The following FRMD4A variants were observed in gnomAD, a reference collection of about 807,000 sequenced individuals.
FRMD4A encodes FERM domain containing 4A.
A neutral mutation model predicts 129.1 loss-of-function variants in FRMD4A; 29 were observed. That is an observed-to-expected ratio of 0.22 (90% CI 0.17 to 0.31). The LOEUF is 0.31. Among genes scored for constraint, FRMD4A ranks in the 10% least tolerant of loss-of-function variants. FRMD4A has a pLI of 1.00. For synonymous variants in FRMD4A, 634 were observed against 571.6 expected (o/e 1.11, Z -1.56); for missense variants, 1,272 against 1,375.8 (o/e 0.92, Z 1.19).
At chr10:14,263,883 A>AT (rs1844889880) in intron 2 of FRMD4A, among the ~76,000 whole-genome samples, 1 of 152,214 alleles carries the variant, frequency 6.6e-6, no homozygotes, top group Non-Finnish European at 1.5e-5. Context: ...AGAGGAAGGC[A>AT]TTTGGGGTAG....
intron 2 of FRMD4A, among the ~76,000 whole-genome samples, chr10:14,195,038 C>T (rs1842433288): frequency 6.6e-6 from 1 of 152,120 alleles, no homozygotes; most frequent in African/African-American, 2.4e-5. Flanking sequence ...ATTTTTCTTT[C>T]ATTCCTTAAA....
rs1444297984 is a variant in FRMD4A at position 13,832,465 on chromosome 10, G to C, written c.112-21557C>G. ...CTTGCGAGCACATTAGAATCAGCGG[G>C]GCAGTTTAAAAAGCCAGAGATGCCT... On this transcript the variant is annotated intron_variant, in intron 3 of 24. Transcript: ENST00000357447. Among the ~76,000 whole-genome samples the C allele has an allele frequency of 2.0e-5, 3 of 152,172 alleles. No homozygotes were observed. In the East Asian group the frequency reaches 5.8e-4, roughly 29 times the overall value.
At chr10:14,049,080 A>C (rs924486191) in intron 2 of FRMD4A, among the ~76,000 whole-genome samples, 2 of 152,154 alleles carry the variant, frequency 1.3e-5, no homozygotes, top group Admixed American at 6.5e-5. Flanking sequence ...TAAGAAGTTG[A>C]GAAGTAAGTC....
chr10:14,168,186 C>G (rs1028109284), intron 2 of FRMD4A, among the ~76,000 whole-genome samples: 2 of 152,086 alleles, frequency 1.3e-5, no homozygotes, highest in African/African-American at 4.8e-5. Context: ...TCATGAGGGT[C>G]CCAGGCAGTG....
At chr10:13,703,363 G>A (rs1293151235) in intron 13 of FRMD4A, among the ~76,000 whole-genome samples, 9 of 152,174 alleles carry the variant, frequency 5.9e-5, no homozygotes, top group Admixed American at 5.2e-4. Flanking sequence ...GCCCAGCCTG[G>A]AGAAGCTCAG....
At chr10:13,925,400 G>C (rs1406465) in intron 2 of FRMD4A, among the ~76,000 whole-genome samples, 8 of 151,642 alleles carry the variant, frequency 5.3e-5, no homozygotes, top group African/African-American at 1.9e-4. Context: ...GAATGTGATC[G>C]CTTTATCTTC....
At chr10:13,665,792 C>T (rs899520862) in intron 18 of FRMD4A, among the ~76,000 whole-genome samples, 7 of 152,236 alleles carry the variant, frequency 4.6e-5, no homozygotes, top group Admixed American at 6.5e-5. Flanking sequence ...GCCCAGTCAA[C>T]TCAGCTCAGT....
chr10:13,885,629 T>C (rs572298897), intron 2 of FRMD4A, among the ~76,000 whole-genome samples: 1 of 152,322 alleles, frequency 6.6e-6, no homozygotes, highest in South Asian at 2.1e-4. Context: ...CATATGCACG[T>C]GGTTTGTAGA....
intron 2 of FRMD4A, among the ~76,000 whole-genome samples, chr10:14,109,672 A>G (rs1475587808): frequency 6.6e-6 from 1 of 152,154 alleles, no homozygotes; most frequent in Non-Finnish European, 1.5e-5. Flanking sequence ...CATTATTTCC[A>G]GTTCTTAAAA....
intron 2 of FRMD4A, among the ~76,000 whole-genome samples, chr10:14,115,139 C>T (rs913556693): frequency 6.6e-5 from 10 of 152,222 alleles, no homozygotes; most frequent in African/African-American, 2.4e-4. Flanking sequence ...CCCCTGGAAG[C>T]TTGCAGTCTA....
intron 2 of FRMD4A, among the ~76,000 whole-genome samples, chr10:14,073,715 C>T (rs1200611365): frequency 1.3e-5 from 2 of 152,128 alleles, no homozygotes; most frequent in African/African-American, 2.4e-5. Flanking sequence ...TCACCACCAC[C>T]GGGATCCTGT....
At chr10:14,062,747 T>C (rs978198598) in intron 2 of FRMD4A, among the ~76,000 whole-genome samples, 1 of 152,194 alleles carries the variant, frequency 6.6e-6, no homozygotes, top group Non-Finnish European at 1.5e-5. Context: ...GTGTGATTGA[T>C]TCAAGTGCCA....
chr10:14,138,508 C>T (rs1372262398), intron 2 of FRMD4A, among the ~76,000 whole-genome samples: 5 of 151,660 alleles, frequency 3.3e-5, no homozygotes, highest in Non-Finnish European at 7.4e-5. Flanking sequence ...CACCTGTAAT[C>T]TCAGCACTTT....
intron 5 of FRMD4A, among the ~76,000 whole-genome samples, chr10:13,791,404 T>G (rs2092996666): frequency 1.3e-5 from 2 of 148,846 alleles, no homozygotes. Flanking sequence ...AAATAAAAGG[T>G]GTGTGTGTGT....
chr10:14,216,945 T>C (rs560116813), intron 2 of FRMD4A, among the ~76,000 whole-genome samples: 10 of 152,266 alleles, frequency 6.6e-5, no homozygotes, highest in Admixed American at 3.3e-4. Context: ...TAGTCCGAAA[T>C]GCAGTTGAGG....
In FRMD4A at chr10:13,687,691, C is replaced by T. The variant is rs11258521; in HGVS notation, c.1117+6207G>A. Among the ~76,000 whole-genome samples the T allele has an allele frequency of 8.0e-3, 1,225 of 152,248 alleles. 24 individuals are homozygous for T. The East Asian group carries it at 0.092, about 11-fold the overall frequency. On this transcript the variant is annotated intron_variant, in intron 15 of 24. Coordinates refer to ENST00000357447, the MANE Select transcript of FRMD4A (RefSeq NM_018027.5). Reference sequence around the variant, plus strand: ...CTTAGGAGTGAAAGCAACAGAGAGACGCAGCTACAAATGTGGAAGCAATCA... The same window carrying T: ...CTTAGGAGTGAAAGCAACAGAGAGATGCAGCTACAAATGTGGAAGCAATCA...
At position 13,657,073 on chromosome 10, in the gene FRMD4A, A is replaced by G; in HGVS notation, c.2516T>C (p.Leu839Pro). 1.3e-6 allele frequency: 2 copies of G among 1,577,470 alleles called. No homozygotes were observed. Among genetic ancestry groups the G allele is most frequent in the East Asian group, 2.3e-5 (1 of 42,730 alleles). The change falls in exon 22 of 25, where the codon CTG (leucine) becomes CCG (proline). Residue 839 changes from leucine to proline, a missense_variant. Transcript: ENST00000357447. ...GGGCGTGGCGCCGCCCTCGATGTAC[A>G]GCGGGTACTCCTTGATGCGGTACTG... Reference protein sequence around the residue: ...SSQYRIKEYPLYIEGGATPVV... With the variant: ...SSQYRIKEYPPYIEGGATPVV...
intron 13 of FRMD4A, among the ~76,000 whole-genome samples, chr10:13,706,597 C>A (rs779063036): frequency 1.3e-5 from 2 of 152,144 alleles, no homozygotes; most frequent in Admixed American, 1.3e-4. Context: ...TCGCATTGAC[C>A]GTCCTGCCTG....
intron 2 of FRMD4A, among the ~76,000 whole-genome samples, chr10:13,991,471 C>A (rs535089236): frequency 3.9e-5 from 6 of 152,172 alleles, no homozygotes; most frequent in Non-Finnish European, 8.8e-5. Flanking sequence ...ACTGCCACTG[C>A]CTCTAGGGGC....
Sources: allele counts gnomAD v4.1 joint callset (sites outside exome capture counted in the v4.1 genomes callset), GRCh38; gene constraint gnomAD v4.1.1; transcripts MANE v1.5; gene names NCBI Gene and HGNC (gene_info 2026-07-23, HGNC 2026-07-21).